The following CEP70 variants were observed in gnomAD, a reference collection of about 807,000 sequenced individuals.
CEP70 encodes centrosomal protein 70.
CEP70 carries 70 observed loss-of-function variants against 90.9 expected under a neutral mutation model. That is an observed-to-expected ratio of 0.77 (90% CI 0.64 to 0.94). The LOEUF is 0.94. CEP70 is among the 40% of genes least tolerant of loss of function. The pLI, the probability that CEP70 is intolerant of heterozygous loss-of-function variation, is 0.00. For synonymous variants in CEP70, 220 were observed against 228.3 expected, an observed-to-expected ratio of 0.96 and a Z score of 0.33; for missense variants, 648 against 669.0, an observed-to-expected ratio of 0.97 and a Z score of 0.35.
intron 16 of CEP70, 110 bp downstream of exon 16, chr3:138,500,000 G>A: frequency 1.3e-6 from 1 of 749,318 alleles, no homozygotes; most frequent in Non-Finnish European, 2.4e-6. Flanking sequence ...TTAAACTCCT[G>A]GGTTCAAGTG....
chr3:138,539,595 T>C (rs933060133), intron 6 of CEP70, among the ~76,000 whole-genome samples: 6 of 152,058 alleles, frequency 3.9e-5, no homozygotes, highest in African/African-American at 1.4e-4. Flanking sequence ...AAAGAATCAG[T>C]GAGCCTGAAG....
intron 6 of CEP70, among the ~76,000 whole-genome samples, chr3:138,538,790 G>A (rs1305899657): frequency 1.3e-5 from 2 of 151,766 alleles, no homozygotes; most frequent in Non-Finnish European, 2.9e-5. Context: ...TTTGATTATT[G>A]ACATAATCCA....
chr3:138,536,129 G>A (rs1347378785), intron 7 of CEP70, among the ~76,000 whole-genome samples: 5 of 151,726 alleles, frequency 3.3e-5, no homozygotes, highest in South Asian at 2.1e-4. Flanking sequence ...ATATAATACC[G>A]CTTAAAATGC....
chr3:138,580,775 A>T (rs1225793434), intron 2 of CEP70, among the ~76,000 whole-genome samples: 4 of 152,150 alleles, frequency 2.6e-5, no homozygotes, highest in Non-Finnish European at 5.9e-5. Flanking sequence ...TCAAGATGAC[A>T]CAGATAAGGA....
intron 2 of CEP70, among the ~76,000 whole-genome samples, chr3:138,577,104 C>T (rs1368013253): frequency 2.6e-5 from 4 of 151,996 alleles, no homozygotes; most frequent in Non-Finnish European, 5.9e-5. Flanking sequence ...GATAGAAAAC[C>T]AAACACTGCA....
At chr3:138,591,289 T>C (rs997487682) in intron 2 of CEP70, among the ~76,000 whole-genome samples, 1 of 152,116 alleles carries the variant, frequency 6.6e-6, no homozygotes, top group African/African-American at 2.4e-5. Flanking sequence ...AAGCTGTATA[T>C]GAAACAATAA....
chr3:138,590,646 T>TAA (rs35742919), intron 2 of CEP70, among the ~76,000 whole-genome samples: 34 of 133,536 alleles, frequency 2.5e-4, no homozygotes, highest in East Asian at 1.9e-3. Flanking sequence ...CTAAAAATAC[T>TAA]AAAAAAAAAA....
At chr3:138,589,989 C>T (rs1172872925) in intron 2 of CEP70, among the ~76,000 whole-genome samples, 1 of 151,722 alleles carries the variant, frequency 6.6e-6, no homozygotes, top group Non-Finnish European at 1.5e-5. Flanking sequence ...TGGTGGTAAA[C>T]ATTAAATATA....
At chr3:138,589,710 CAT>C (rs1237708699) in intron 2 of CEP70, among the ~76,000 whole-genome samples, 1 of 151,876 alleles carries the variant, frequency 6.6e-6, no homozygotes, top group Non-Finnish European at 1.5e-5. Flanking sequence ...AAAAAACCCA[CAT>C]GACTTATAAG....
intron 1 of CEP70, among the ~76,000 whole-genome samples, chr3:138,593,478 C>A (rs1194272352): frequency 2.0e-5 from 3 of 152,190 alleles, no homozygotes; most frequent in African/African-American, 7.2e-5. Context: ...CCACCTCGGC[C>A]TCCCAAAGTG....
At chr3:138,571,633 T>A (rs1056626354) in intron 3 of CEP70, among the ~76,000 whole-genome samples, 6 of 152,128 alleles carry the variant, frequency 3.9e-5, no homozygotes, top group Admixed American at 6.6e-5. Flanking sequence ...CAAAAACACC[T>A]TGTAATTTCA....
At chr3:138,543,045 T>C (rs1426626645) in intron 6 of CEP70, among the ~76,000 whole-genome samples, 1 of 152,066 alleles carries the variant, frequency 6.6e-6, no homozygotes, top group Non-Finnish European at 1.5e-5. Context: ...AAAAGCATCA[T>C]CCAATTGGCC....
At chr3:138,587,080 A>G (rs977719730) in intron 2 of CEP70, among the ~76,000 whole-genome samples, 2 of 152,090 alleles carry the variant, frequency 1.3e-5, no homozygotes, top group Non-Finnish European at 2.9e-5. Context: ...TATAACCTCT[A>G]TATTAAAACA....
At chr3:138,503,866 G>A (rs1356497883) in intron 13 of CEP70, among the ~76,000 whole-genome samples, 14 of 152,058 alleles carry the variant, frequency 9.2e-5, no homozygotes, top group Admixed American at 5.2e-4. Flanking sequence ...CTATTTTTAT[G>A]TCACTCATTT....
At chr3:138,500,703 CATT>C in intron 14 of CEP70, 29 bp downstream of exon 14, 1 of 1,544,496 alleles carries the variant, frequency 6.5e-7, no homozygotes, top group Non-Finnish European at 8.7e-7. Flanking sequence ...AGATAAGAAA[CATT>C]AGAAGGTGAC....
chr3:138,580,866 A>T (rs80230184), intron 2 of CEP70, among the ~76,000 whole-genome samples: 4 of 152,148 alleles, frequency 2.6e-5, no homozygotes, highest in South Asian at 2.1e-4. Flanking sequence ...AGTGTGAGAA[A>T]TGCAACTGAC....
At chr3:138,565,153 T>A (rs889303464) in intron 6 of CEP70, among the ~76,000 whole-genome samples, 4 of 152,136 alleles carry the variant, frequency 2.6e-5, no homozygotes, top group Non-Finnish European at 5.9e-5. Context: ...GTAAAGGACC[T>A]TTTCAAGGAG....
At chr3:138,560,422 C>A (rs1010488364) in intron 6 of CEP70, among the ~76,000 whole-genome samples, 1 of 151,946 alleles carries the variant, frequency 6.6e-6, no homozygotes, top group Non-Finnish European at 1.5e-5. Flanking sequence ...GTTTCAATCA[C>A]AAAACTGGGC....
chr3:138,556,257 C>T (rs535530564), intron 6 of CEP70, among the ~76,000 whole-genome samples: 28 of 152,104 alleles, frequency 1.8e-4, no homozygotes, highest in Non-Finnish European at 3.1e-4. Context: ...GGGCCGGGCA[C>T]GGTGGCTCAC....
Sources: allele counts gnomAD v4.1 joint callset (sites outside exome capture counted in the v4.1 genomes callset), GRCh38; gene constraint gnomAD v4.1.1; transcripts MANE v1.5; gene names NCBI Gene and HGNC (gene_info 2026-07-23, HGNC 2026-07-21).